SLC8A1: variants seen among roughly 807,000 people sequenced by gnomAD.
SLC8A1 encodes sodium/calcium exchanger 1.
SLC8A1 carries 18 observed loss-of-function variants against 68.3 expected under a neutral mutation model. The observed-to-expected ratio is 0.26, with a 90% CI of 0.18 to 0.39. SLC8A1 has a LOEUF of 0.39. Ranked by LOEUF, SLC8A1 falls within the 10% of genes least tolerant of loss-of-function variation. The pLI, the probability that SLC8A1 is intolerant of heterozygous loss-of-function variation, is 1.00. For missense variants in SLC8A1, 985 were observed against 1,156.7 expected (o/e 0.85, Z 2.15); for synonymous variants, 475 against 415.5 (o/e 1.14, Z -1.74).
intron 2 of SLC8A1, among the ~76,000 whole-genome samples, chr2:40,254,169 A>C (rs1050209008): frequency 6.7e-6 from 1 of 149,622 alleles, no homozygotes; most frequent in Non-Finnish European, 1.5e-5. Flanking sequence ...CATTATGTCA[A>C]CAAAAAATTA....
rs56145701 is a variant in SLC8A1, at chr2:40,277,794, GTATATATATATA to G, written c.1809-99951_1809-99940del. ...TATGTATAAATATATATATATGTGTGTATATATATATATATATATATATATATATATATATAT... is the reference window on the plus strand; with the variant it reads ...TATGTATAAATATATATATATGTGTGTATATATATATATATATATATATAT... On this transcript the variant is annotated intron_variant, in intron 2 of 7. Coordinates refer to ENST00000406785, the Ensembl canonical transcript of SLC8A1. Among the ~76,000 whole-genome samples, 520 of 108,024 alleles carry G rather than the reference GTATATATATATA, an allele frequency of 4.8e-3. 5 individuals are homozygous for G. The highest frequency in any genetic ancestry group is 0.015 in the African/African-American group (453 of 30,380). The allele number at this position is 108,024 out of a possible 152,430, so 70.9% of individuals were successfully genotyped here.
chr2:40,377,573 G>C (rs1680312954), intron 2 of SLC8A1, among the ~76,000 whole-genome samples: 1 of 152,074 alleles, frequency 6.6e-6, no homozygotes, highest in Admixed American at 6.6e-5. Context: ...CCCTAGAGCA[G>C]AGCTCAAAGT....
At chr2:40,360,875 G>A (rs548700006) in intron 2 of SLC8A1, among the ~76,000 whole-genome samples, 21 of 152,206 alleles carry the variant, frequency 1.4e-4, no homozygotes, top group African/African-American at 4.8e-4. Context: ...GTTTATCAGG[G>A]CACCTCCTTG....
chr2:40,397,393 T>G (rs971106356), intron 2 of SLC8A1, among the ~76,000 whole-genome samples: 1 of 152,198 alleles, frequency 6.6e-6, no homozygotes, highest in Non-Finnish European at 1.5e-5. Context: ...TCTCATTCCA[T>G]AGTCAAAGCT....
chr2:40,230,570 G>T (rs914411892), intron 2 of SLC8A1, among the ~76,000 whole-genome samples: 1 of 152,074 alleles, frequency 6.6e-6, no homozygotes, highest in African/African-American at 2.4e-5. Context: ...CACATGATAG[G>T]CGTGTGCAAA....
At chr2:40,193,295 C>A (rs1366013697) in intron 2 of SLC8A1, among the ~76,000 whole-genome samples, 1 of 152,066 alleles carries the variant, frequency 6.6e-6, no homozygotes, top group Non-Finnish European at 1.5e-5. Flanking sequence ...TATGTTATTC[C>A]ATTCAGCCAT....
chr2:40,367,599 C>A (rs1203527050), intron 2 of SLC8A1, among the ~76,000 whole-genome samples: 2 of 151,952 alleles, frequency 1.3e-5, no homozygotes, highest in Non-Finnish European at 2.9e-5. Context: ...GACAAACGTA[C>A]ATGTGTCATC....
intron 1 of SLC8A1, among the ~76,000 whole-genome samples, chr2:40,498,487 C>A (rs888871939): frequency 6.6e-6 from 1 of 152,090 alleles, no homozygotes; most frequent in South Asian, 2.1e-4. Flanking sequence ...ACTTCATAAG[C>A]TTTAGGGATC....
chr2:40,349,745 T>G (rs560457286), intron 2 of SLC8A1, among the ~76,000 whole-genome samples: 229 of 152,294 alleles, frequency 1.5e-3, no homozygotes, highest in African/African-American at 5.3e-3. Context: ...TTAAAAAGGA[T>G]GTGAAAACTA....
intron 2 of SLC8A1, among the ~76,000 whole-genome samples, chr2:40,384,961 C>T (rs1376271996): frequency 6.6e-6 from 1 of 152,006 alleles, no homozygotes; most frequent in African/African-American, 2.4e-5. Context: ...TTTCCTAATG[C>T]CTGCCACCAC....
chr2:40,357,086 A>G (rs1428591947), intron 2 of SLC8A1, among the ~76,000 whole-genome samples: 1 of 152,250 alleles, frequency 6.6e-6, no homozygotes, highest in African/African-American at 2.4e-5. Flanking sequence ...ATAGTAGGGT[A>G]GGAGGCACAT....
intron 2 of SLC8A1, among the ~76,000 whole-genome samples, chr2:40,336,127 G>A (rs934667253): frequency 2.0e-5 from 3 of 152,154 alleles, no homozygotes; most frequent in Non-Finnish European, 2.9e-5. Context: ...TCTCTACAAT[G>A]CTCCATTCCC....
At chr2:40,150,489 C>T (rs2043216423) in intron 6 of SLC8A1, among the ~76,000 whole-genome samples, 1 of 152,196 alleles carries the variant, frequency 6.6e-6, no homozygotes, top group East Asian at 1.9e-4. Context: ...TCATGCCTCA[C>T]ACCTTGATTT....
intron 2 of SLC8A1, among the ~76,000 whole-genome samples, chr2:40,424,275 T>C (rs1453682978): frequency 1.3e-5 from 2 of 151,884 alleles, no homozygotes; most frequent in Non-Finnish European, 2.9e-5. Context: ...CTTGTTTACA[T>C]CTGGCTGTCT....
intron 1 of SLC8A1, among the ~76,000 whole-genome samples, chr2:40,499,602 G>A (rs1003721880): frequency 1.3e-5 from 2 of 152,024 alleles, no homozygotes; most frequent in Non-Finnish European, 2.9e-5. Flanking sequence ...CTGTCCTAGA[G>A]GCTGTCTGCC....
chr2:40,431,833 C>T (rs1047115621), intron 1 of SLC8A1, among the ~76,000 whole-genome samples: 5 of 152,100 alleles, frequency 3.3e-5, no homozygotes, highest in Admixed American at 6.5e-5. Flanking sequence ...CAAACTGCAC[C>T]AGTGCCCAGG....
intron 2 of SLC8A1, among the ~76,000 whole-genome samples, chr2:40,290,763 C>T (rs1313119911): frequency 2.0e-5 from 3 of 152,092 alleles, no homozygotes; most frequent in Admixed American, 2.0e-4. Flanking sequence ...TAACAACTTT[C>T]TTCTCTTTAT....
At chr2:40,174,663 G>T in intron 4 of SLC8A1, 43 bp downstream of exon 6, 1 of 1,449,816 alleles carries the variant, frequency 6.9e-7, no homozygotes, top group Non-Finnish European at 9.6e-7. Context: ...ATGGTTAAGG[G>T]TATTTGGGGA....
At chr2:40,335,595 G>A (rs1247024882) in intron 2 of SLC8A1, among the ~76,000 whole-genome samples, 2 of 152,206 alleles carry the variant, frequency 1.3e-5, no homozygotes, top group Non-Finnish European at 2.9e-5. Flanking sequence ...TAAAAATCAT[G>A]TGAATAATAC....
Sources: gnomAD v4.1 joint callset for allele counts (sites outside exome capture counted in the v4.1 genomes callset) on GRCh38, gnomAD v4.1.1 for gene constraint, MANE v1.5 for transcripts, NCBI Gene and HGNC (gene_info 2026-07-23, HGNC 2026-07-21) for gene names.